Variants in SPTB observed in about 807,000 individuals in gnomAD.
SPTB encodes spectrin beta chain, erythrocytic.
SPTB carries 45 observed loss-of-function variants against 256.2 expected under a neutral mutation model. That is an observed-to-expected ratio of 0.18 (90% CI 0.14 to 0.23). SPTB has a LOEUF of 0.23. SPTB is among the 10% of genes least tolerant of loss of function. The pLI is 1.00. For missense variants in SPTB, 2,715 were observed against 3,040.4 expected (o/e 0.89, Z 2.52); for synonymous variants, 1,231 against 1,243.1 (o/e 0.99, Z 0.21).
intron 32 of SPTB, among the ~76,000 whole-genome samples, chr14:64,763,052 A>C (rs781723569): frequency 5.9e-5 from 9 of 152,210 alleles, no homozygotes; most frequent in Non-Finnish European, 1.2e-4. Context: ...AGGGCTGTGC[A>C]CTAGGGACCT....
chr14:64,817,166 G>C (rs2139681197), intron 2 of SPTB, among the ~76,000 whole-genome samples: 1 of 151,020 alleles, frequency 6.6e-6, no homozygotes, highest in East Asian at 2.0e-4. Context: ...TATGTCCTGG[G>C]CAGGGGAAAC....
chr14:64,828,506 A>G lies in SPTB; in HGVS notation c.-51-5361T>C, dbSNP rs375233726. 1.6e-4 allele frequency among the ~76,000 whole-genome samples: 25 copies of G among 152,334 alleles called. No individual in the cohort carries two copies. In the East Asian group the frequency reaches 4.4e-3, roughly 27 times the overall value. Reference sequence around the variant, plus strand: ...GAGGGGAGAGATGATACTCATATACATATCAGGTTGGTACAAAAGTAATTG... The same window carrying G: ...GAGGGGAGAGATGATACTCATATACGTATCAGGTTGGTACAAAAGTAATTG... On this transcript the variant is annotated intron_variant, in intron 1 of 35. Coordinates refer to ENST00000644917, the MANE Select transcript of SPTB (RefSeq NM_001355436.2).
intron 1 of SPTB, among the ~76,000 whole-genome samples, chr14:64,862,179 A>G (rs949959019): frequency 6.6e-6 from 1 of 151,490 alleles, no homozygotes; most frequent in African/African-American, 2.4e-5. Context: ...CCTCCTCCCT[A>G]CTCCCAGGGT....
At position 64,775,701 on chromosome 14, in the gene SPTB, C is replaced by T. The variant is rs935784450; in HGVS notation, c.4564-298G>A. Among the ~76,000 whole-genome samples, 1 of 152,246 alleles carries T rather than the reference C, an allele frequency of 6.6e-6. No homozygotes were observed. The highest frequency in any genetic ancestry group is 2.4e-5 in the African/African-American group (1 of 41,466). ...ACACAGCTCCACCTGACCTGGCAGC[C>T]TGTGCTCTTGACTGTCCCCTATCTT... On this transcript the variant is annotated intron_variant, in intron 22 of 35. Coordinates refer to ENST00000644917, the MANE Select transcript of SPTB (RefSeq NM_001355436.2). This position sits in a 1 kb window ranked among gnomAD's most constrained non-coding sequence, Gnocchi z 5.0.
rs1457847320 is a variant in SPTB, at chr14:64,805,102, G to GA, written c.149-13dup. 1 of 1,614,168 alleles carries GA rather than the reference G, an allele frequency of 6.2e-7. No individual in the cohort carries two copies. On this transcript the variant is annotated splice_polypyrimidine_tract_variant and intron_variant, in intron 2 of 35. Transcript: ENST00000644917. ...AACTTCCCGCTCATCTAGGTGGAGA[G>GA]AAGAACCTTGGTGAGGTGCCTGAGG... is the stretch of plus-strand genomic sequence containing the variant.
At position 64,823,158 on chromosome 14, in the gene SPTB, A is replaced by G; in HGVS notation, c.-51-13T>C. The G allele has an allele frequency of 6.2e-7, 1 of 1,600,120 alleles. No individual in the cohort carries two copies. The highest frequency in any genetic ancestry group is 8.6e-7 in the Non-Finnish European group (1 of 1,167,646). On this transcript the variant is annotated splice_polypyrimidine_tract_variant and intron_variant, in intron 1 of 35. Coordinates refer to ENST00000644917, the MANE Select transcript of SPTB (RefSeq NM_001355436.2). This position sits in a 1 kb window ranked among gnomAD's most constrained non-coding sequence, Gnocchi z 6.5. ...CATGGAAGGATCCCTGGGGGACAGC[A>G]ACACAGTCAGAGGGTTATCTCTCTA...
At chr14:64,805,532 T>G (rs559105792) in intron 2 of SPTB, among the ~76,000 whole-genome samples, 3 of 152,300 alleles carry the variant, frequency 2.0e-5, no homozygotes, top group Non-Finnish European at 2.9e-5. Context: ...TAAGAGCCAG[T>G]ATAAATGGCG....
chr14:64,842,685 G>C (rs2083625812), intron 1 of SPTB, among the ~76,000 whole-genome samples: 1 of 152,204 alleles, frequency 6.6e-6, no homozygotes, highest in African/African-American at 2.4e-5. Context: ...GGTTGCTGCT[G>C]TTTCCACAGC....
chr14:64,747,074 C>T lies in SPTB; in HGVS notation c.*2232G>A, dbSNP rs897697214. ...GAATGGTCACATGCAGCTGGCTGCC[C>T]TGGACCAGGCCAGGGGACCTGGGGT... On this transcript the variant is annotated 3_prime_UTR_variant, in exon 36 of 36. Coordinates refer to ENST00000644917, the MANE Select transcript of SPTB (RefSeq NM_001355436.2). 6.6e-6 allele frequency: 1 copy of T among 152,630 alleles called. No homozygotes were observed. Among genetic ancestry groups the T allele is most frequent in the Non-Finnish European group, 1.5e-5 (1 of 68,080 alleles). 9.5% of individuals were successfully genotyped at this position (152,630 alleles called of 1,614,324 possible).
chr14:64,833,520 C>T (rs2083478860), intron 1 of SPTB, among the ~76,000 whole-genome samples: 1 of 151,012 alleles, frequency 6.6e-6, no homozygotes, highest in South Asian at 2.1e-4. Flanking sequence ...CCTTTGTACC[C>T]AGCCTGGGTG....
At chr14:64,781,571 G>A (rs7140242) in intron 20 of SPTB, among the ~76,000 whole-genome samples, 13,343 of 152,208 alleles carry the variant, frequency 0.088, 902 homozygotes, top group East Asian at 0.22. Flanking sequence ...AATAACAGAC[G>A]CTGGCAAGGT....
rs1314130251 is a variant in SPTB, at chr14:64,787,030, A to T, written c.2935T>A (p.Ser979Thr). Residue 979 changes from serine (S) to threonine (T), a missense_variant, in exon 16 of 36, where the codon TCC becomes ACC. Ser to Thr is a moderately conservative substitution (Grantham distance 58, BLOSUM62 1). Around this residue, in one of 4 missense-constraint regions of SPTB, gnomAD observed 2,239 missense variants for 2,384.4 expected, o/e 0.94. Coordinates refer to ENST00000644917, the MANE Select transcript of SPTB (RefSeq NM_001355436.2). ...WITDKTKVVE[S>T]TKDLGRDLAG... ...AGGTCCCGCCCCAGGTCTTTTGTGG[A>T]CTCCACTACCTTTGTCTTGTCCGTG... 6.2e-7 allele frequency: 1 copy of T among 1,612,952 alleles called. No homozygotes were observed. Among genetic ancestry groups the T allele is most frequent in the Middle Eastern group, 1.7e-4 (1 of 6,060 alleles).
chr14:64,830,653 T>G (rs189426462), intron 1 of SPTB, among the ~76,000 whole-genome samples: 60 of 152,284 alleles, frequency 3.9e-4, no homozygotes, highest in African/African-American at 1.3e-3. Flanking sequence ...ACTCAGGCCC[T>G]CATCTCTTCC....
At chr14:64,875,699 A>G (rs1463504773) in intron 1 of SPTB, among the ~76,000 whole-genome samples, 7 of 152,214 alleles carry the variant, frequency 4.6e-5, no homozygotes. Context: ...AACTGAGTCA[A>G]TACAAGCTGC....
Position 64,779,973 on chromosome 14 carries a change from T to G in SPTB, c.4267-42A>C, listed in dbSNP as rs759250375. 5.2e-6 allele frequency: 8 copies of G among 1,531,790 alleles called. No homozygotes were observed. The highest frequency in any genetic ancestry group is 1.1e-5 in the South Asian group (1 of 89,340). The allele number at this position is 1,531,790 out of a possible 1,614,324, so 94.9% of individuals were successfully genotyped here. ...CGGTGTCAGCACCAGCCTTGGCACCTGCACAGCCCCTCCATCTTCTTCATT... is the reference window on the plus strand; with the variant it reads ...CGGTGTCAGCACCAGCCTTGGCACCGGCACAGCCCCTCCATCTTCTTCATT... On this transcript the variant is annotated intron_variant, in intron 20 of 35. Transcript: ENST00000644917. This position sits in a 1 kb window ranked among gnomAD's most constrained non-coding sequence, Gnocchi z 4.2.
rs544174051 is a variant in SPTB at position 64,836,451 on chromosome 14, G to T, written c.-51-13306C>A. Among the ~76,000 whole-genome samples the T allele has an allele frequency of 6.6e-5, 10 of 152,226 alleles. No individual in the cohort carries two copies. In the South Asian group the frequency reaches 1.9e-3, roughly 28 times the overall value. On this transcript the variant is annotated intron_variant, in intron 1 of 35. Transcript: ENST00000644917. ...CCAGGGTATTATTTACAAATAACAT[G>T]CAGTGTCTCTCGGTACTGAGTTTGT...
At chr14:64,767,497 C>T (rs758398547) in intron 30 of SPTB, 145 bp from the exon 31 acceptor site, 25 of 1,399,982 alleles carry the variant, frequency 1.8e-5, no homozygotes, top group South Asian at 7.0e-5. Context: ...CCTTTGCATT[C>T]GGAGGTCAGT....
At chr14:64,799,612 GAC>G in intron 9 of SPTB, 133 bp downstream of exon 9, 2 of 1,036,958 alleles carry the variant, frequency 1.9e-6, no homozygotes, top group Non-Finnish European at 2.9e-6. Context: ...CAAGGCAGGT[GAC>G]ACACATACAG....
intron 33 of SPTB, chr14:64,752,355 TAGGG>T (rs1407208199): frequency 3.3e-6 from 3 of 914,782 alleles, no homozygotes; most frequent in Non-Finnish European, 4.6e-6. Context: ...GTAGGGCACA[TAGGG>T]AGGAAGTTCT....
Sources: gnomAD v4.1 joint callset for allele counts (sites outside exome capture counted in the v4.1 genomes callset) on GRCh38, gnomAD v4.1.1 for gene constraint, gnomAD v4.1.1 regional missense constraint, Gnocchi (gnomAD v3.1) non-coding constraint, MANE v1.5 for transcripts, NCBI Gene and HGNC (gene_info 2026-07-23, HGNC 2026-07-21) for gene names.